The following SLC10A7 variants were observed in gnomAD, a reference collection of about 807,000 sequenced individuals.
The protein encoded by SLC10A7 is sodium/bile acid cotransporter 7.
In SLC10A7, 29 loss-of-function variants were observed where a neutral mutation model predicts 43.2. The observed-to-expected ratio is 0.67, with a 90% CI of 0.50 to 0.92. The LOEUF is 0.92. Ranked by LOEUF, SLC10A7 falls within the 40% of genes least tolerant of loss-of-function variation. SLC10A7 has a pLI of 0.00. For missense variants in SLC10A7, 295 were observed against 403.2 expected, an observed-to-expected ratio of 0.73 and a Z score of 2.30; for synonymous variants, 152 against 144.8, an observed-to-expected ratio of 1.05 and a Z score of -0.35.
At chr4:146,422,389 C>A (rs189315078) in intron 5 of SLC10A7, among the ~76,000 whole-genome samples, 14 of 152,152 alleles carry the variant, frequency 9.2e-5, no homozygotes, top group Non-Finnish European at 1.5e-4. Flanking sequence ...TAGGGCTCTG[C>A]TATGATGTCA....
intron 5 of SLC10A7, among the ~76,000 whole-genome samples, chr4:146,353,097 A>C (rs1402025088): frequency 6.7e-6 from 1 of 150,222 alleles, no homozygotes; most frequent in Non-Finnish European, 1.5e-5. Context: ...TGAATCCAGG[A>C]GCTGGTTTTT....
At chr4:146,448,930 A>G (rs1311090463) in intron 4 of SLC10A7, among the ~76,000 whole-genome samples, 2 of 152,318 alleles carry the variant, frequency 1.3e-5, no homozygotes, top group East Asian at 3.9e-4. Context: ...ATAAAATGAA[A>G]TTGTTTTCCT....
At position 146,430,861 on chromosome 4, in the gene SLC10A7, TC is replaced by T. The variant is rs1427116987; in HGVS notation, c.435+11921del. On this transcript the variant is annotated intron_variant, in intron 5 of 11. Coordinates refer to ENST00000335472, the MANE Select transcript of SLC10A7 (RefSeq NM_001029998.6). The stretch of plus-strand genomic sequence containing the variant: ...CAAGTTTATATTAGTAGAATTTTTT[TC>T]CCCTGATCAGTGCAGCTCGTTCAAT... Among the ~76,000 whole-genome samples the T allele has an allele frequency of 2.0e-5, 3 of 152,144 alleles. No individual in the cohort carries two copies. The East Asian group carries it at 5.8e-4, about 29-fold the overall frequency.
chr4:146,294,557 T>C (rs1730652752), intron 7 of SLC10A7, among the ~76,000 whole-genome samples: 1 of 152,188 alleles, frequency 6.6e-6, no homozygotes, highest in African/African-American at 2.4e-5. Context: ...ATGGAACATA[T>C]TAATATTTAA....
intron 4 of SLC10A7, among the ~76,000 whole-genome samples, chr4:146,489,131 C>A (rs1388724108): frequency 1.3e-5 from 2 of 152,182 alleles, no homozygotes; most frequent in Non-Finnish European, 2.9e-5. Context: ...CGAAAGCTTC[C>A]TGAAAGGAGG....
intron 9 of SLC10A7, among the ~76,000 whole-genome samples, chr4:146,287,955 C>T (rs970620489): frequency 6.6e-6 from 1 of 152,172 alleles, no homozygotes; most frequent in Non-Finnish European, 1.5e-5. Context: ...ATTAATCTGG[C>T]GCTGGCTGCT....
intron 5 of SLC10A7, among the ~76,000 whole-genome samples, chr4:146,393,151 C>T (rs963860021): frequency 3.1e-5 from 4 of 130,280 alleles, no homozygotes; most frequent in African/African-American, 1.2e-4. Context: ...GTGATCATGC[C>T]ACCACACTCC....
rs139154541 is a variant in SLC10A7, at chr4:146,317,999, T to C, written c.471+7962A>G. Among the ~76,000 whole-genome samples the C allele has an allele frequency of 1.0e-3, 159 of 152,158 alleles. 1 individual carries two copies. In the Middle Eastern group the frequency reaches 0.014, roughly 13 times the overall value. On this transcript the variant is annotated intron_variant, in intron 6 of 11. Transcript: ENST00000335472. ...TAAATCTCTCTCTCTAGGAGGCTACTATGCACTAGAGCTCACTCCCTTTCT... is the reference window on the plus strand; with the variant it reads ...TAAATCTCTCTCTCTAGGAGGCTACCATGCACTAGAGCTCACTCCCTTTCT...
At chr4:146,450,388 T>C (rs1209913739) in intron 4 of SLC10A7, among the ~76,000 whole-genome samples, 2 of 152,290 alleles carry the variant, frequency 1.3e-5, no homozygotes, top group East Asian at 1.9e-4. Flanking sequence ...TCATTGTATA[T>C]CAGGGACTTG....
chr4:146,309,197 G>T (rs1397569806), intron 6 of SLC10A7, among the ~76,000 whole-genome samples: 2 of 152,004 alleles, frequency 1.3e-5, no homozygotes, highest in Admixed American at 1.3e-4. Context: ...ATGCTGAATT[G>T]GCCACCCTCT....
chr4:146,441,696 C>T (rs1730617070), intron 5 of SLC10A7: 4 of 985,052 alleles, frequency 4.1e-6, no homozygotes, highest in Non-Finnish European at 4.8e-6. Flanking sequence ...TGTCTAAAAC[C>T]CAGAAGTAAT....
intron 5 of SLC10A7, among the ~76,000 whole-genome samples, chr4:146,389,311 C>T (rs1350917817): frequency 1.8e-5 from 1 of 55,802 alleles, no homozygotes; most frequent in South Asian, 1.1e-3. Context: ...CCTAAGTCTA[C>T]AAAAATAAAA....
intron 5 of SLC10A7, among the ~76,000 whole-genome samples, chr4:146,429,304 C>T (rs1368435165): frequency 2.6e-5 from 4 of 152,116 alleles, no homozygotes; most frequent in African/African-American, 7.2e-5. Flanking sequence ...AATTAGCGTA[C>T]ATTTTAAGTG....
At chr4:146,326,939 C>CACAT (rs1733161900) in intron 5 of SLC10A7, among the ~76,000 whole-genome samples, 1 of 106,890 alleles carries the variant, frequency 9.4e-6, no homozygotes, top group Admixed American at 1.1e-4. Context: ...CACACACACA[C>CACAT]ACACACACAC....
intron 5 of SLC10A7, among the ~76,000 whole-genome samples, chr4:146,395,364 TAGGTAAC>T (rs1738747685): frequency 6.6e-6 from 1 of 152,150 alleles, no homozygotes; most frequent in South Asian, 2.1e-4. Context: ...CACTACATTC[TAGGTAAC>T]AGAGCAAAAC....
chr4:146,455,912 T>A (rs1454964588), intron 4 of SLC10A7, among the ~76,000 whole-genome samples: 1 of 151,960 alleles, frequency 6.6e-6, no homozygotes, highest in African/African-American at 2.4e-5. Flanking sequence ...AGAAAATTTT[T>A]AAAAGCTGTG....
chr4:146,512,431 T>C (rs1236183683), intron 2 of SLC10A7, among the ~76,000 whole-genome samples: 2 of 152,230 alleles, frequency 1.3e-5, no homozygotes, highest in Non-Finnish European at 2.9e-5. Flanking sequence ...TAAACATTTA[T>C]ACACAAAATT....
chr4:146,301,789 G>A (rs13107111), intron 7 of SLC10A7, among the ~76,000 whole-genome samples: 107,052 of 151,856 alleles, frequency 0.7, 37,945 homozygotes, highest in African/African-American at 0.75. Flanking sequence ...CAGGGTGGTG[G>A]CTGTTAATTC....
intron 10 of SLC10A7, among the ~76,000 whole-genome samples, chr4:146,273,628 G>GTTA (rs913624476): frequency 1.3e-5 from 2 of 152,152 alleles, no homozygotes; most frequent in Admixed American, 6.5e-5. Flanking sequence ...TGCTGTTGTT[G>GTTA]TTATTATTAT....
Sources: gnomAD v4.1 joint callset for allele counts (sites outside exome capture counted in the v4.1 genomes callset) on GRCh38, gnomAD v4.1.1 for gene constraint, MANE v1.5 for transcripts, NCBI Gene and HGNC (gene_info 2026-07-23, HGNC 2026-07-21) for gene names.